Variants in LDLRAD3 observed in about 807,000 individuals in gnomAD.
LDLRAD3 encodes low-density lipoprotein receptor class A domain-containing protein 3.
A neutral mutation model predicts 29.4 loss-of-function variants in LDLRAD3; 20 were observed. The observed-to-expected ratio is 0.68, with a 90% CI of 0.48 to 0.99. The LOEUF (loss-of-function observed/expected upper bound fraction) is 0.99, where lower values mean the gene tolerates loss of function less well. LDLRAD3 is among the 50% of genes least tolerant of loss of function. The pLI is 0.00. For missense variants in LDLRAD3, 420 were observed against 454.3 expected (o/e 0.92, Z 0.69); for synonymous variants, 157 against 192.7 (o/e 0.81, Z 1.53).
chr11:36,165,530 A>G (rs906176961), intron 4 of LDLRAD3, among the ~76,000 whole-genome samples: 2 of 152,170 alleles, frequency 1.3e-5, no homozygotes, highest in East Asian at 1.9e-4. Flanking sequence ...AATTGCCAAC[A>G]TAGGATATTA....
intron 4 of LDLRAD3, among the ~76,000 whole-genome samples, chr11:36,159,444 G>C (rs564890411): frequency 1.7e-4 from 26 of 151,318 alleles, no homozygotes; most frequent in Admixed American, 8.6e-4. Flanking sequence ...ACTCCAGCCT[G>C]AGCAACAGAG....
At chr11:36,149,903 T>C (rs1412082839) in intron 4 of LDLRAD3, among the ~76,000 whole-genome samples, 1 of 152,132 alleles carries the variant, frequency 6.6e-6, no homozygotes, top group Non-Finnish European at 1.5e-5. Flanking sequence ...TCATGACTCA[T>C]GAATGTGGCT....
chr11:35,957,310 C>T (rs1851214862), intron 1 of LDLRAD3, among the ~76,000 whole-genome samples: 1 of 152,182 alleles, frequency 6.6e-6, no homozygotes, highest in African/African-American at 2.4e-5. Context: ...AGAAGTCTCC[C>T]ATCACAGAAT....
At chr11:36,170,937 G>A (rs944704831) in intron 4 of LDLRAD3, among the ~76,000 whole-genome samples, 2 of 152,096 alleles carry the variant, frequency 1.3e-5, no homozygotes, top group Non-Finnish European at 2.9e-5. Context: ...GAGTAGGTGG[G>A]ACAACAGGCA....
At chr11:36,074,246 G>A (rs1383219948) in intron 2 of LDLRAD3, among the ~76,000 whole-genome samples, 2 of 152,224 alleles carry the variant, frequency 1.3e-5, no homozygotes, top group Non-Finnish European at 2.9e-5. Context: ...GAAGGCAGAG[G>A]CGTTAGCCAA....
chr11:36,128,440 C>G (rs190802710), intron 4 of LDLRAD3, among the ~76,000 whole-genome samples: 1 of 152,092 alleles, frequency 6.6e-6, no homozygotes, highest in Non-Finnish European at 1.5e-5. Flanking sequence ...GGTAGAGATG[C>G]CAGAGGGTGC....
At chr11:36,190,492 C>T (rs1313961454) in intron 4 of LDLRAD3, among the ~76,000 whole-genome samples, 1 of 151,978 alleles carries the variant, frequency 6.6e-6, no homozygotes, top group African/African-American at 2.4e-5. Flanking sequence ...AGAGTGAGAC[C>T]TTGTCTCTAA....
chr11:36,161,687 A>G (rs888963351), intron 4 of LDLRAD3, among the ~76,000 whole-genome samples: 2 of 152,200 alleles, frequency 1.3e-5, no homozygotes, highest in Non-Finnish European at 2.9e-5. Flanking sequence ...ACATTGGTAG[A>G]CATATACAAC....
In LDLRAD3 at chr11:36,098,431, A is replaced by C; in HGVS notation, c.424A>C (p.Ser142Arg). 1 of 1,614,260 alleles carries C rather than the reference A, an allele frequency of 6.2e-7. No homozygotes were observed. The highest frequency in any genetic ancestry group is 8.5e-7 in the Non-Finnish European group (1 of 1,180,044). The change falls in exon 4 of 6, where the codon AGT (serine) becomes CGT (arginine). Residue 142 changes from serine to arginine, a missense_variant. Around this residue, in one of 3 missense-constraint regions of LDLRAD3, gnomAD observed 224 missense variants for 222.2 expected, o/e 1.01. Coordinates refer to ENST00000315571, the MANE Select transcript of LDLRAD3 (RefSeq NM_174902.4). ...CDGQNNCQDNSDEESCESSQE... is the reference protein window; with the variant it reads ...CDGQNNCQDNRDEESCESSQE... ...TGGACAGAATAACTGTCAAGACAAC[A>C]GTGATGAGGAAAGCTGTGAAAGTTC...
intron 2 of LDLRAD3, among the ~76,000 whole-genome samples, chr11:36,041,295 C>T (rs959128922): frequency 6.6e-6 from 1 of 152,184 alleles, no homozygotes; most frequent in African/African-American, 2.4e-5. Context: ...TAGTAACCGG[C>T]TGGTGTCATC....
chr11:36,140,992 TTCTC>T (rs557939353), intron 4 of LDLRAD3, among the ~76,000 whole-genome samples: 2,917 of 110,006 alleles, frequency 0.027, 68 homozygotes, highest in East Asian at 0.12. Context: ...CTGTTGAGCT[TTCTC>T]TCTCTCTCTC....
At chr11:36,085,674 C>T (rs536902907) in intron 3 of LDLRAD3, among the ~76,000 whole-genome samples, 144 of 152,034 alleles carry the variant, frequency 9.5e-4, no homozygotes, top group African/African-American at 3.3e-3. Context: ...TGCAGTGGTG[C>T]GATCATGGCT....
chr11:36,229,495 G>T lies in LDLRAD3; in HGVS notation c.*98G>T. The stretch of plus-strand genomic sequence containing the variant: ...GGGAAGCTCTTTAAGCACCTGTAAG[G>T]GTGTCTCAAGTTACAGTTTGGGATA... On this transcript the variant is annotated 3_prime_UTR_variant, in exon 6 of 6. Coordinates refer to ENST00000315571, the MANE Select transcript of LDLRAD3 (RefSeq NM_174902.4). The T allele has an allele frequency of 1.2e-6, 1 of 833,878 alleles. No individual in the cohort carries two copies. The highest frequency in any genetic ancestry group is 1.9e-6 in the Non-Finnish European group (1 of 515,904). The allele number at this position is 833,878 out of a possible 1,614,324, so 51.7% of individuals were successfully genotyped here.
chr11:35,986,869 A>G (rs772918612), intron 1 of LDLRAD3, among the ~76,000 whole-genome samples: 9 of 152,216 alleles, frequency 5.9e-5, no homozygotes, highest in Non-Finnish European at 1.3e-4. Flanking sequence ...GAATCTGAGT[A>G]AAAGCTCAGG....
At chr11:36,120,316 G>A (rs187667179) in intron 4 of LDLRAD3, among the ~76,000 whole-genome samples, 3 of 152,046 alleles carry the variant, frequency 2.0e-5, no homozygotes, top group Non-Finnish European at 2.9e-5. Context: ...CACCACACAC[G>A]TCTCCTGCAG....
intron 2 of LDLRAD3, among the ~76,000 whole-genome samples, chr11:36,039,113 G>A (rs890900561): frequency 1.3e-5 from 2 of 151,526 alleles, no homozygotes; most frequent in Non-Finnish European, 3.0e-5. Flanking sequence ...GGGACTACAG[G>A]CGCCCGCCAC....
intron 1 of LDLRAD3, among the ~76,000 whole-genome samples, chr11:36,033,592 AG>A (rs1346432392): frequency 6.6e-6 from 1 of 152,250 alleles, no homozygotes; most frequent in Non-Finnish European, 1.5e-5. Flanking sequence ...TTCCAAACAA[AG>A]CAGAATGACC....
intron 4 of LDLRAD3, among the ~76,000 whole-genome samples, chr11:36,181,344 T>C (rs993587194): frequency 1.3e-5 from 2 of 152,206 alleles, no homozygotes; most frequent in African/African-American, 4.8e-5. Context: ...CACAAATTAC[T>C]GTGTCCTGAG....
At chr11:35,990,161 C>G (rs889402050) in intron 1 of LDLRAD3, among the ~76,000 whole-genome samples, 1 of 152,004 alleles carries the variant, frequency 6.6e-6, no homozygotes, top group Non-Finnish European at 1.5e-5. Flanking sequence ...TCAGGGTTGC[C>G]GTAAGGATTT....
Sources: allele counts gnomAD v4.1 joint callset (sites outside exome capture counted in the v4.1 genomes callset), GRCh38; gene constraint gnomAD v4.1.1; regional missense constraint gnomAD v4.1.1; transcripts MANE v1.5; gene names NCBI Gene and HGNC (gene_info 2026-07-23, HGNC 2026-07-21).